PIGO: variants seen among roughly 807,000 people sequenced by gnomAD.
The protein encoded by PIGO is phosphatidylinositol glycan anchor biosynthesis class O.
In PIGO, 66 loss-of-function variants were observed where a neutral mutation model predicts 86.9. That is an observed-to-expected ratio of 0.76 (90% CI 0.62 to 0.93). The LOEUF is 0.93. Ranked by LOEUF, PIGO falls within the 40% of genes least tolerant of loss-of-function variation. PIGO has a pLI of 0.00. For missense variants in PIGO, 1,202 were observed against 1,359.1 expected (o/e 0.88, Z 1.82); for synonymous variants, 570 against 556.4 (o/e 1.02, Z -0.34).
rs761835349 is a variant in PIGO at position 35,092,774 on chromosome 9, G to C, written c.1120-7C>G. On this transcript the variant is annotated splice_polypyrimidine_tract_variant and splice_region_variant and intron_variant, in intron 6 of 10. Transcript: ENST00000378617. ...TATGAAGAAATCGGGACACCTGGCA[G>C]AGAAAAGGTCAGAGGCCAAGGGGAA... 2 of 1,598,998 alleles carry C rather than the reference G, an allele frequency of 1.3e-6. No homozygotes were observed. The highest frequency in any genetic ancestry group is 1.7e-6 in the Non-Finnish European group (2 of 1,174,128).
rs771034645 is a variant in PIGO, at chr9:35,093,054, T to C, written c.1095A>G (p.Ser365=). Residue 365 remains serine (S), a synonymous_variant, in exon 6 of 11, where the codon TCA becomes TCG. Transcript: ENST00000378617. Reference sequence around the variant, plus strand: ...CCTGCTGAGCATTGAGATGGAGAGCTGAGGCTTGGGCTAAAGCAGAGGAGT... The same window carrying C: ...CCTGCTGAGCATTGAGATGGAGAGCCGAGGCTTGGGCTAAAGCAGAGGAGT... ...QPHSSALAQA[S]ALHLNAQQVS... 12 of 1,611,436 alleles carry C rather than the reference T, an allele frequency of 7.4e-6. No individual in the cohort carries two copies. Among genetic ancestry groups the C allele is most frequent in the South Asian group, 3.3e-5 (3 of 91,050 alleles).
rs765083306 is a variant in PIGO, at chr9:35,092,300, G to C, written c.1587C>G (p.Ala529=). ...VSSFLPFLWK[A]WAGWGSKRPL... is the part of the protein sequence containing the mutation. ...GCCTCTTGGACCCCCAGCCAGCCCA[G>C]GCTTTCCACAGAAAAGGGAGGAATG... Residue 529 remains alanine, a synonymous_variant, in exon 7 of 11, where the codon GCC becomes GCG. Coordinates refer to ENST00000378617, the MANE Select transcript of PIGO (RefSeq NM_032634.4). 2 of 1,614,090 alleles carry C rather than the reference G, an allele frequency of 1.2e-6. No homozygotes were observed. The highest frequency in any genetic ancestry group is 1.7e-6 in the Non-Finnish European group (2 of 1,180,030).
chr9:35,089,263 T>C, intron 10 of PIGO, 42 bp from the exon 11 acceptor site: 1 of 1,614,032 alleles, frequency 6.2e-7, no homozygotes, highest in Non-Finnish European at 8.5e-7. Context: ...AGAGTAGGTC[T>C]ACTGCCTTTT....
At position 35,091,844 on chromosome 9, in the gene PIGO, T is replaced by C; in HGVS notation, c.2043A>G (p.Leu681=). 1 of 1,614,024 alleles carries C rather than the reference T, an allele frequency of 6.2e-7. No homozygotes were observed. The highest frequency in any genetic ancestry group is 8.5e-7 in the Non-Finnish European group (1 of 1,180,026). The change falls in exon 7 of 11, where the codon TTA becomes TTG. Residue 681 remains leucine (L), a synonymous_variant. Coordinates refer to ENST00000378617, the MANE Select transcript of PIGO (RefSeq NM_032634.4). The part of the protein sequence containing the change: ...GACVAALVAL[L]AAVRLWLRRY... ...GGCGAAGCCACAAGCGCACGGCAGC[T>C]AACAGGGCCACCAGCGCCGCCACAC...
chr9:35,092,995 GCT>G, intron 6 of PIGO, 33 bp downstream of exon 6: 1 of 1,588,320 alleles, frequency 6.3e-7, no homozygotes, highest in East Asian at 2.3e-5. Flanking sequence ...GCCCACCCTA[GCT>G]CTGTCACCTG....
In PIGO at chr9:35,091,641, C is replaced by G. The variant is rs1452783977; in HGVS notation, c.2246G>C (p.Gly749Ala). ...ASMVLPRAVA[G>A]LAASGLALLL... ...CAGCGCGAGCCCTGAAGCAGCCAGC[C>G]CTGCTACAGCCCGAGGCAGCACCAT... Residue 749 changes from glycine (G) to alanine (A), a missense_variant, in exon 7 of 11, where the codon GGG becomes GCG. Coordinates refer to ENST00000378617, the MANE Select transcript of PIGO (RefSeq NM_032634.4). The G allele has an allele frequency of 6.2e-7, 1 of 1,613,316 alleles. No homozygotes were observed. The highest frequency in any genetic ancestry group is 1.3e-5 in the African/African-American group (1 of 74,928).
Position 35,093,493 on chromosome 9 carries a change from G to A in PIGO, c.867C>T (p.Asp289=). 1.2e-6 allele frequency: 2 copies of A among 1,614,110 alleles called. No homozygotes were observed. Among genetic ancestry groups the A allele is most frequent in the Non-Finnish European group, 8.5e-7 (1 of 1,180,020 alleles). ...GAGCAGCTGAGACCTCCAGCTCACT[G>A]TCCCCTCCATGGTCTCCATTTGTGG... ...GMTTNGDHGG[D]SELEVSAALF... Residue 289 remains aspartate (D), a synonymous_variant, in exon 5 of 11, where the codon GAC becomes GAT. Transcript: ENST00000378617.
At position 35,093,596 on chromosome 9, in the gene PIGO, T is replaced by C. The variant is rs577090900; in HGVS notation, c.780-16A>G. On this transcript the variant is annotated splice_polypyrimidine_tract_variant and intron_variant, in intron 4 of 10. Coordinates refer to ENST00000378617, the MANE Select transcript of PIGO (RefSeq NM_032634.4). Reference sequence around the variant, plus strand: ...CACAAGTCCCCTGGGGGCCAATAAATGTGTCAGGAGTAGAAACGGATAAAT... The same window carrying C: ...CACAAGTCCCCTGGGGGCCAATAAACGTGTCAGGAGTAGAAACGGATAAAT... The C allele has an allele frequency of 2.6e-5, 41 of 1,589,032 alleles. No homozygotes were observed. The South Asian group carries it at 4.5e-4, about 17-fold the overall frequency.
At position 35,089,029 on chromosome 9, in the gene PIGO, C is replaced by T. The variant is rs1316316128; in HGVS notation, c.*63G>A. 1 of 1,605,422 alleles carries T rather than the reference C, an allele frequency of 6.2e-7. No homozygotes were observed. ...TCTTGCAGATCATCCAGTACCTGTACAGGCCAGGCTACACTGTTCTCAAGC... is the reference window on the plus strand; with the variant it reads ...TCTTGCAGATCATCCAGTACCTGTATAGGCCAGGCTACACTGTTCTCAAGC... On this transcript the variant is annotated 3_prime_UTR_variant, in exon 11 of 11. Transcript: ENST00000378617.
rs10814196 is a variant in PIGO at position 35,091,883 on chromosome 9, C to G, written c.2004G>C (p.Leu668Phe). ...GCGCCGCCACACAAGCTCCATACCACAAATTCTTGGCTCGACCACCCACCA... is the reference window on the plus strand; with the variant it reads ...GCGCCGCCACACAAGCTCCATACCAGAAATTCTTGGCTCGACCACCCACCA... ...ASMVGGRAKN[L>F]WYGACVAALV... Residue 668 changes from leucine (L) to phenylalanine (F), a missense_variant, in exon 7 of 11, where the codon TTG becomes TTC. By Grantham distance (22) the Leu-to-Phe change is conservative. Transcript: ENST00000378617. The G allele has an allele frequency of 3.1e-6, 5 of 1,614,082 alleles. No homozygotes were observed. Among genetic ancestry groups the G allele is most frequent in the Non-Finnish European group, 4.2e-6 (5 of 1,180,012 alleles).
rs752495805 is a variant in PIGO at position 35,095,200 on chromosome 9, T to C, written c.366A>G (p.Arg122=). Reference sequence around the variant, plus strand: ...TGGTGGTAGGAGGGTCAACCTGAGATCGGTAGAGCCGGGCATGGTGGGGCT... The same window carrying C: ...TGGTGGTAGGAGGGTCAACCTGAGACCGGTAGAGCCGGGCATGGTGGGGCT... The part of the protein sequence containing the change: ...EIQPHHARLY[R]SQVDPPTTTM... The change falls in exon 2 of 11, where the codon CGA becomes CGG. Residue 122 remains arginine (R), a synonymous_variant. Coordinates refer to ENST00000378617, the MANE Select transcript of PIGO (RefSeq NM_032634.4). 6.2e-7 allele frequency: 1 copy of C among 1,614,044 alleles called. No homozygotes were observed. Among genetic ancestry groups the C allele is most frequent in the South Asian group, 1.1e-5 (1 of 91,076 alleles).
rs768434072 is a variant in PIGO at position 35,091,895 on chromosome 9, T to C, written c.1992A>G (p.Arg664=). ...LSPLASMVGG[R]AKNLWYGACV... ...AAGCTCCATACCACAAATTCTTGGC[T>C]CGACCACCCACCATGGATGCCAGAG... The change falls in exon 7 of 11, where the codon CGA becomes CGG. Residue 664 remains arginine (R), a synonymous_variant. Transcript: ENST00000378617. 6.2e-7 allele frequency: 1 copy of C among 1,614,144 alleles called. No homozygotes were observed. The highest frequency in any genetic ancestry group is 1.1e-5 in the South Asian group (1 of 91,088).
chr9:35,088,950 T>C lies in PIGO; in HGVS notation c.*142A>G. 1 of 1,131,358 alleles carries C rather than the reference T, an allele frequency of 8.8e-7. No homozygotes were observed. The highest frequency in any genetic ancestry group is 1.3e-6 in the Non-Finnish European group (1 of 793,792). The allele number at this position is 1,131,358 out of a possible 1,614,324, so 70.1% of individuals were successfully genotyped here. On this transcript the variant is annotated 3_prime_UTR_variant, in exon 11 of 11. Coordinates refer to ENST00000378617, the MANE Select transcript of PIGO (RefSeq NM_032634.4). ...GGTCCTGAATTATAGAATAATGAAG[T>C]CCTAGATGTCAGCGGCCCCTGGCTG...
rs560199991 is a variant in PIGO at position 35,092,890 on chromosome 9, C to T, written c.1120-123G>A. ...CAAGGACCCAAACTCTGTCCAGAAT[C>T]GGGGAAGGGAGGGATAACGGAAGAG... On this transcript the variant is annotated intron_variant, in intron 6 of 10. Transcript: ENST00000378617. 1.2e-5 allele frequency: 16 copies of T among 1,375,020 alleles called. No homozygotes were observed. In the Admixed American group the frequency reaches 1.3e-4, roughly 11 times the overall value. 85.2% of individuals were successfully genotyped at this position (1,375,020 alleles called of 1,614,324 possible).
chr9:35,091,940 G>A lies in PIGO; in HGVS notation c.1947C>T (p.His649=). 1.2e-6 allele frequency: 2 copies of A among 1,614,228 alleles called. No individual in the cohort carries two copies. Among genetic ancestry groups the A allele is most frequent in the Non-Finnish European group, 1.7e-6 (2 of 1,180,042 alleles). ...CCAGAGGACTCAGCCAGGGAGAGGA[G>A]TGGCAAACAGGTGTCTCTTCAGGGC... ...HRCPEETPVC[H]SSPWLSPLAS... The change falls in exon 7 of 11, where the codon CAC becomes CAT. Residue 649 remains histidine, a synonymous_variant. Transcript: ENST00000378617.
chr9:35,090,093 G>A lies in PIGO; in HGVS notation c.3042C>T (p.Leu1014=), dbSNP rs1829343071. The A allele has an allele frequency of 6.2e-7, 1 of 1,614,010 alleles. No homozygotes were observed. The highest frequency in any genetic ancestry group is 1.3e-5 in the African/African-American group (1 of 74,926). The change falls in exon 9 of 11, where the codon CTC becomes CTT. Residue 1014 remains leucine (L), a synonymous_variant. Transcript: ENST00000378617. ...GAATACCAAGGATAAAGAGGTACTT[G>A]AGGCCCAGCTGCAGCAGTGCTGCAT... ...HFYAALLQLG[L]KYLFILGIQI... is the part of the protein sequence containing the mutation.
Position 35,090,081 on chromosome 9 carries a change from A to G in PIGO, c.3054T>C (p.Phe1018=). 2 of 1,614,060 alleles carry G rather than the reference A, an allele frequency of 1.2e-6. No homozygotes were observed. The highest frequency in any genetic ancestry group is 1.7e-6 in the Non-Finnish European group (2 of 1,179,904). ...ALLQLGLKYL[F]ILGIQILACA... ...CTACACCCACCTGAATACCAAGGATAAAGAGGTACTTGAGGCCCAGCTGCA... is the reference window on the plus strand; with the variant it reads ...CTACACCCACCTGAATACCAAGGATGAAGAGGTACTTGAGGCCCAGCTGCA... Residue 1018 remains phenylalanine, a synonymous_variant, in exon 9 of 11, where the codon TTT becomes TTC. Coordinates refer to ENST00000378617, the MANE Select transcript of PIGO (RefSeq NM_032634.4).
intron 6 of PIGO, 126 bp from the exon 7 acceptor site, chr9:35,092,893 G>C: frequency 7.3e-7 from 1 of 1,373,154 alleles, no homozygotes; most frequent in Non-Finnish European, 9.8e-7. Flanking sequence ...CCAGAATCGG[G>C]GAAGGGAGGG....
chr9:35,093,767 G>C, intron 4 of PIGO, 134 bp downstream of exon 4: 1 of 1,483,038 alleles, frequency 6.7e-7, no homozygotes, highest in South Asian at 1.4e-5. Context: ...AGTTAATCAA[G>C]ATGGATGGAG....
Sources: gnomAD v4.1 joint callset for allele counts on GRCh38, gnomAD v4.1.1 for gene constraint, MANE v1.5 for transcripts, NCBI Gene and HGNC (gene_info 2026-07-23, HGNC 2026-07-21) for gene names.